The following ZNF536 variants were observed in gnomAD, a reference collection of about 807,000 sequenced individuals.
ZNF536 encodes zinc finger protein 536.
ZNF536 carries 13 observed loss-of-function variants against 84.5 expected under a neutral mutation model. The ratio of observed to expected loss-of-function variants is 0.15; its 90% CI spans 0.10 to 0.24. The LOEUF (loss-of-function observed/expected upper bound fraction) is 0.24, where lower values mean the gene tolerates loss of function less well. Among genes scored for constraint, ZNF536 ranks in the 10% least tolerant of loss-of-function variants. The pLI is 1.00. For missense variants in ZNF536, 1,536 were observed against 1,747.5 expected (o/e 0.88, Z 2.16); for synonymous variants, 811 against 742.5 (o/e 1.09, Z -1.50).
At chr19:30,536,968 C>T (rs2045108743) in intron 3 of ZNF536, among the ~76,000 whole-genome samples, 1 of 152,210 alleles carries the variant, frequency 6.6e-6, no homozygotes, top group Admixed American at 6.5e-5. Flanking sequence ...CCCGCCCCAC[C>T]AGGACTTTCT....
At chr19:30,263,460 G>A (rs895538729) in intron 1 of ZNF536, among the ~76,000 whole-genome samples, 1 of 152,136 alleles carries the variant, frequency 6.6e-6, no homozygotes, top group African/African-American at 2.4e-5. Context: ...ACTCAGTGTT[G>A]AAGGAGCTGC....
At chr19:30,277,500 A>T (rs2145572359) in intron 1 of ZNF536, among the ~76,000 whole-genome samples, 1 of 152,340 alleles carries the variant, frequency 6.6e-6, no homozygotes, top group Middle Eastern at 3.4e-3. Context: ...CCTTTGTTTT[A>T]AAATGAAAGA....
In ZNF536 at chr19:30,242,341, T is replaced by G. The variant is rs576984116; in HGVS notation, c.-190+13668T>G. Among the ~76,000 whole-genome samples the G allele has an allele frequency of 3.9e-5, 6 of 152,208 alleles. No homozygotes were observed. The South Asian group carries it at 1.2e-3, about 32-fold the overall frequency. On this transcript the variant is annotated intron_variant, in intron 1 of 5. Coordinates refer to the ZNF536 transcript ENST00000585628. ...CACAAGGGAGTCTGTGATGCCTGGC[T>G]CCCCTCTGCTTCCCGGTCGGCTACC...
intron 2 of ZNF536, among the ~76,000 whole-genome samples, chr19:30,534,395 A>C (rs539445934): frequency 6.6e-6 from 1 of 152,220 alleles, no homozygotes; most frequent in Admixed American, 6.5e-5. Context: ...TGCATGTCTT[A>C]GGGACTCAGC....
At chr19:30,533,206 G>C (rs2044925043) in intron 2 of ZNF536, among the ~76,000 whole-genome samples, 2 of 152,274 alleles carry the variant, frequency 1.3e-5, no homozygotes, top group Middle Eastern at 3.4e-3. Context: ...CAGTTGCTTA[G>C]AGCGAATACT....
intron 4 of ZNF536, among the ~76,000 whole-genome samples, chr19:30,553,717 C>A (rs1471505966): frequency 6.6e-6 from 1 of 152,202 alleles, no homozygotes; most frequent in Non-Finnish European, 1.5e-5. Context: ...GTAATCCCAG[C>A]ACTCTGGGAG....
At chr19:30,525,696 T>C (rs1175571884) in intron 2 of ZNF536, among the ~76,000 whole-genome samples, 1 of 152,122 alleles carries the variant, frequency 6.6e-6, no homozygotes, top group African/African-American at 2.4e-5. Flanking sequence ...GAGGTGACTT[T>C]TACACGAAAG....
At chr19:30,257,513 G>A (rs1222869675) in intron 1 of ZNF536, among the ~76,000 whole-genome samples, 1 of 152,174 alleles carries the variant, frequency 6.6e-6, no homozygotes, top group Non-Finnish European at 1.5e-5. Context: ...CCATTGCCAA[G>A]AGGATGTTTT....
rs1169214591 is a variant in ZNF536, at chr19:30,623,032, G to GT, written c.169+73525dup. Among the ~76,000 whole-genome samples the GT allele has an allele frequency of 1.2e-3, 115 of 92,862 alleles. 1 individual carries two copies. Among genetic ancestry groups the GT allele is most frequent in the African/African-American group, 4.1e-3 (91 of 22,312 alleles). 60.9% of individuals were successfully genotyped at this position (92,862 alleles called of 152,430 possible). A position where few individuals can be genotyped will look rare whatever the true frequency, so the allele number is the denominator to read the frequency against. ...CTAAAAATCTTGTGTTTTTTTTTTT[G>GT]TTTTTTTGTTTTTTTGTTTTTTTGA... On this transcript the variant is annotated intron_variant, in intron 1 of 1. Coordinates refer to the ZNF536 transcript ENST00000592773.
rs35509271 is a variant in ZNF536, at chr19:30,582,375, C to CTTT, written c.169+32883_169+32885dup. Among the ~76,000 whole-genome samples the CTTT allele has an allele frequency of 4.0e-3, 359 of 89,116 alleles. 10 individuals carry two copies. The highest frequency in any genetic ancestry group is 5.8e-3 in the African/African-American group (148 of 25,350). The allele number at this position is 89,116 out of a possible 152,430, so 58.5% of individuals were successfully genotyped here. A position where few individuals can be genotyped will look rare whatever the true frequency, so the allele number is the denominator to read the frequency against. On this transcript the variant is annotated intron_variant, in intron 1 of 1. Transcript: ENST00000592773. ...GTCCTGGCTTCTCTTCCTAGTTTCTCTTTTTTTTTTTTTTTTTTTTTTTTC... is the reference window on the plus strand; with the variant it reads ...GTCCTGGCTTCTCTTCCTAGTTTCTCTTTTTTTTTTTTTTTTTTTTTTTTTTTC...
At chr19:30,673,014 G>T (rs538917654) in intron 1 of ZNF536, among the ~76,000 whole-genome samples, 1 of 152,270 alleles carries the variant, frequency 6.6e-6, no homozygotes, top group African/African-American at 2.4e-5. Context: ...CATGACTGGA[G>T]AACCCCCTTG....
chr19:30,238,597 T>G (rs1404771718), intron 1 of ZNF536, among the ~76,000 whole-genome samples: 2 of 152,026 alleles, frequency 1.3e-5, no homozygotes, highest in Non-Finnish European at 2.9e-5. Context: ...CTTCATTCCT[T>G]TCTTTCTTCC....
intron 1 of ZNF536, among the ~76,000 whole-genome samples, chr19:30,585,764 C>G (rs752464497): frequency 6.6e-6 from 1 of 152,196 alleles, no homozygotes; most frequent in African/African-American, 2.4e-5. Context: ...CTCCTGCCCT[C>G]CTACCCGTCA....
At chr19:30,596,890 G>A (rs1025881265) in intron 1 of ZNF536, among the ~76,000 whole-genome samples, 2 of 151,640 alleles carry the variant, frequency 1.3e-5, no homozygotes, top group Non-Finnish European at 2.9e-5. Flanking sequence ...TGCGAAAGGA[G>A]GCTCTCTTAT....
intron 1 of ZNF536, among the ~76,000 whole-genome samples, chr19:30,706,937 T>A (rs2052261808): frequency 6.6e-6 from 1 of 152,196 alleles, no homozygotes; most frequent in Non-Finnish European, 1.5e-5. Context: ...GGTTTCCCGG[T>A]GTCTTGCTCC....
chr19:30,624,191 C>T (rs576245122), intron 1 of ZNF536, among the ~76,000 whole-genome samples: 1 of 152,260 alleles, frequency 6.6e-6, no homozygotes, highest in Admixed American at 6.5e-5. Context: ...CATGTGACCC[C>T]TGGTTGCTTG....
At chr19:30,612,133 C>A (rs186843071) in intron 1 of ZNF536, among the ~76,000 whole-genome samples, 1 of 152,200 alleles carries the variant, frequency 6.6e-6, no homozygotes, top group African/African-American at 2.4e-5. Context: ...TTTGGTGCTC[C>A]CGAAAGAAAC....
At chr19:30,287,354 G>C (rs561155400) in intron 2 of ZNF536, among the ~76,000 whole-genome samples, 164 of 151,928 alleles carry the variant, frequency 1.1e-3, no homozygotes, top group African/African-American at 3.9e-3. Flanking sequence ...TAGATGGATG[G>C]GTGGATGGGT....
chr19:30,699,988 TTCTC>T (rs1365732610), intron 1 of ZNF536, among the ~76,000 whole-genome samples: 7 of 152,022 alleles, frequency 4.6e-5, no homozygotes, highest in Admixed American at 2.0e-4. Context: ...TTCTTTCTCT[TTCTC>T]TCTTTTTTCT....
Sources: allele counts gnomAD v4.1 joint callset (sites outside exome capture counted in the v4.1 genomes callset), GRCh38; gene constraint gnomAD v4.1.1; transcripts MANE v1.5; gene names NCBI Gene and HGNC (gene_info 2026-07-23, HGNC 2026-07-21).